The following KMT2A variants were observed in gnomAD, a reference collection of about 807,000 sequenced individuals.
KMT2A encodes histone-lysine N-methyltransferase 2A.
A neutral mutation model predicts 345.3 loss-of-function variants in KMT2A; 16 were observed. The observed-to-expected ratio is 0.05, with a 90% CI of 0.03 to 0.07. The LOEUF is 0.07. Among genes scored for constraint, KMT2A ranks in the 10% least tolerant of loss-of-function variants. KMT2A has a pLI of 1.00. For synonymous variants in KMT2A, 1,599 were observed against 1,778.6 expected (o/e 0.90, Z 2.54); for missense variants, 3,272 against 4,841.6 (o/e 0.68, Z 9.62).
chr11:118,462,992 G>T (rs1482576885), intron 1 of KMT2A, among the ~76,000 whole-genome samples: 1 of 152,164 alleles, frequency 6.6e-6, no homozygotes, highest in Admixed American at 6.6e-5. Flanking sequence ...CAGCTCAGTG[G>T]AACTCTTGTT....
Position 118,501,044 on chromosome 11 carries a change from C to T in KMT2A, c.6216C>T (p.Cys2072=). 6.2e-7 allele frequency: 1 copy of T among 1,614,048 alleles called. No homozygotes were observed. The highest frequency in any genetic ancestry group is 8.5e-7 in the Non-Finnish European group (1 of 1,179,948). Residue 2072 remains cysteine (C), a synonymous_variant, in exon 25 of 36, where the codon TGC becomes TGT. Transcript: ENST00000534358. Reference sequence around the variant, plus strand: ...CTCGCAAGCGCTGTGTATATACATGCAAGATAGTGGAGTGCCGTCCTCCAG... The same window carrying T: ...CTCGCAAGCGCTGTGTATATACATGTAAGATAGTGGAGTGCCGTCCTCCAG... The part of the protein sequence containing the change: ...TDARKRCVYT[C]KIVECRPPVV...
rs1950554080 is a variant in KMT2A at position 118,504,821 on chromosome 11, C to T, written c.8929C>T (p.Pro2977Ser). The change falls in exon 27 of 36, where the codon CCA becomes TCA. Residue 2977 changes from proline (P) to serine (S), a missense_variant. Coordinates refer to ENST00000534358, the MANE Select transcript of KMT2A (RefSeq NM_001197104.2). The surrounding 1 kb of genome is among the most constrained non-coding windows in gnomAD (Gnocchi z 6.4). ...EKSVASSESDPALLSPGVDPT... is the reference protein window; with the variant it reads ...EKSVASSESDSALLSPGVDPT... ...ATCTGTAGCCTCCTCTGAAAGTGAC[C>T]CAGCACTGCTGAGCCCAGGAGTAGA... is the stretch of plus-strand genomic sequence containing the variant. 1.2e-6 allele frequency: 2 copies of T among 1,613,962 alleles called. No individual in the cohort carries two copies. Among genetic ancestry groups the T allele is most frequent in the African/African-American group, 2.7e-5 (2 of 74,878 alleles).
chr11:118,505,493 G>A lies in KMT2A; in HGVS notation c.9601G>A (p.Val3201Ile), dbSNP rs202163335. The stretch of plus-strand genomic sequence containing the variant: ...GCCTCCTCCGGATCCCCAACTTTTG[G>A]TTTCAGAATCCAGCCAGAGGACAGA... ...VQPPPDPQLL[V>I]SESSQRTDLS... The change falls in exon 27 of 36, where the codon GTT (valine) becomes ATT (isoleucine). Residue 3201 changes from valine to isoleucine, a missense_variant. Physicochemically the swap from Val to Ile is conservative, Grantham distance 29. Around this residue, in one of 27 missense-constraint regions of KMT2A, gnomAD observed 748 missense variants for 922.2 expected, o/e 0.81. Coordinates refer to ENST00000534358, the MANE Select transcript of KMT2A (RefSeq NM_001197104.2). This position sits in a 1 kb window ranked among gnomAD's most constrained non-coding sequence, Gnocchi z 4.6. 3 of 1,614,072 alleles carry A rather than the reference G, an allele frequency of 1.9e-6. 1 individual carries two copies. The African/African-American group carries it at 4.0e-5, about 22-fold the overall frequency.
rs782521888 is a variant in KMT2A at position 118,472,616 on chromosome 11, C to T, written c.1457C>T (p.Thr486Ile). The change falls in exon 3 of 36, where the codon ACC becomes ATC. Residue 486 changes from threonine (T) to isoleucine (I), a missense_variant. By Grantham distance (89) the Thr-to-Ile change is moderately conservative. This residue lies in a region of KMT2A where 180 missense variants were observed against 190.7 expected (regional missense o/e 0.94). Transcript: ENST00000534358. ...CGATCTAGTAGCCCCAGTGTTGATA[C>T]CTCCACAGACTCTCAGGCTTCTGAG... ...SSRSSSPSVD[T>I]STDSQASEEI... The T allele has an allele frequency of 1.9e-6, 3 of 1,612,098 alleles. No individual in the cohort carries two copies. Among genetic ancestry groups the T allele is most frequent in the Admixed American group, 1.7e-5 (1 of 59,568 alleles).
At position 118,436,994 on chromosome 11, in the gene KMT2A, C is replaced by CCCCCT; in HGVS notation, c.432+60_432+64dup. 5 of 1,372,144 alleles carry CCCCCT rather than the reference C, an allele frequency of 3.6e-6. No individual in the cohort carries two copies. Among genetic ancestry groups the CCCCCT allele is most frequent in the Non-Finnish European group, 4.8e-6 (5 of 1,052,240 alleles). 85.0% of individuals were successfully genotyped at this position (1,372,144 alleles called of 1,614,324 possible). ...TCCGGGGTCTCGACCCTCTGCGGAG[C>CCCCCT]CCCCTCCCCTCCCCCATCCGGGATT... is the stretch of plus-strand genomic sequence containing the variant. On this transcript the variant is annotated intron_variant, in intron 1 of 35. Coordinates refer to ENST00000534358, the MANE Select transcript of KMT2A (RefSeq NM_001197104.2). The surrounding 1 kb of genome is among the most constrained non-coding windows in gnomAD (Gnocchi z 6.9).
At chr11:118,518,078 C>T (rs1373246846) in intron 31 of KMT2A, among the ~76,000 whole-genome samples, 1 of 152,188 alleles carries the variant, frequency 6.6e-6, no homozygotes, top group African/African-American at 2.4e-5. Context: ...AGTCCTAATA[C>T]AATTACACTT....
At position 118,495,546 on chromosome 11, in the gene KMT2A, G is replaced by A. The variant is rs1212637717; in HGVS notation, c.5364-154G>A. ...GATATTTTTTAAAATATTGAGTTCT[G>A]TGTACTTCAGCAATTTTCAAACGCT... On this transcript the variant is annotated intron_variant, in intron 18 of 35. Transcript: ENST00000534358. This position sits in a 1 kb window ranked among gnomAD's most constrained non-coding sequence, Gnocchi z 4.1. 3.3e-5 allele frequency among the ~76,000 whole-genome samples: 5 copies of A among 152,146 alleles called. No homozygotes were observed. Among genetic ancestry groups the A allele is most frequent in the African/African-American group, 1.2e-4 (5 of 41,418 alleles).
Position 118,504,746 on chromosome 11 carries a change from C to A in KMT2A, c.8854C>A (p.Leu2952Ile), listed in dbSNP as rs1555047374. 2 of 1,614,114 alleles carry A rather than the reference C, an allele frequency of 1.2e-6. No homozygotes were observed. The highest frequency in any genetic ancestry group is 2.2e-5 in the South Asian group (2 of 91,072). The part of the protein sequence containing the change: ...PTVPSQNPSR[L>I]AVISDSGEKR... ...TGTCCCCAGCCAGAATCCCAGTAGACTAGCTGTTATCTCAGACTCAGGGGA... is the reference window on the plus strand; with the variant it reads ...TGTCCCCAGCCAGAATCCCAGTAGAATAGCTGTTATCTCAGACTCAGGGGA... The change falls in exon 27 of 36, where the codon CTA becomes ATA. Residue 2952 changes from leucine (L) to isoleucine (I), a missense_variant. Leu to Ile is a conservative substitution (Grantham distance 5). Coordinates refer to ENST00000534358, the MANE Select transcript of KMT2A (RefSeq NM_001197104.2). This position sits in a 1 kb window ranked among gnomAD's most constrained non-coding sequence, Gnocchi z 6.4.
intron 1 of KMT2A, among the ~76,000 whole-genome samples, chr11:118,438,500 G>T (rs1190493521): frequency 7.0e-6 from 1 of 142,556 alleles, no homozygotes; most frequent in East Asian, 2.1e-4. Flanking sequence ...GGGCTGAAGC[G>T]AAGGGGGGTA....
At chr11:118,500,061 G>C (rs990913556) in intron 24 of KMT2A, 148 bp downstream of exon 24, 1 of 582,692 alleles carries the variant, frequency 1.7e-6, no homozygotes, top group Admixed American at 3.1e-5. Context: ...TCTCGGATTC[G>C]TCTGCTTGTA....
intron 3 of KMT2A, among the ~76,000 whole-genome samples, chr11:118,474,540 GA>G (rs1380573967): frequency 6.6e-6 from 1 of 152,160 alleles, no homozygotes; most frequent in Non-Finnish European, 1.5e-5. Context: ...GGTAGAAATG[GA>G]AAAGTAAGAA....
In KMT2A at chr11:118,501,748, A is replaced by G. The variant is rs1225840238; in HGVS notation, c.6396A>G (p.Gln2132=). 5 of 1,613,934 alleles carry G rather than the reference A, an allele frequency of 3.1e-6. No individual in the cohort carries two copies. Among genetic ancestry groups the G allele is most frequent in the African/African-American group, 2.7e-5 (2 of 74,878 alleles). Residue 2132 remains glutamine (Q), a synonymous_variant, in exon 26 of 36, where the codon CAA becomes CAG. Coordinates refer to ENST00000534358, the MANE Select transcript of KMT2A (RefSeq NM_001197104.2). The part of the protein sequence containing the change: ...PPSPDRPPHS[Q]TSGSCYYHVI... ...CACCAGACCGACCTCCTCATTCACA[A>G]ACCTCTGGCTCCTGTTATTATCATG...
Position 118,473,259 on chromosome 11 carries a change from A to G in KMT2A, c.2100A>G (p.Pro700=). Residue 700 remains proline (P), a synonymous_variant, in exon 3 of 36, where the codon CCA becomes CCG. Transcript: ENST00000534358. This position sits in a 1 kb window ranked among gnomAD's most constrained non-coding sequence, Gnocchi z 5.2. ...AAAGGAGCCCTCTTCTGAGAGCTCC[A>G]AGATTTACTCCAAGTGAGGCTCACT... is the stretch of plus-strand genomic sequence containing the variant. ...MHKRSPLLRA[P]RFTPSEAHSR... is the part of the protein sequence containing the mutation. 1 of 1,611,214 alleles carries G rather than the reference A, an allele frequency of 6.2e-7. No individual in the cohort carries two copies. The highest frequency in any genetic ancestry group is 8.5e-7 in the Non-Finnish European group (1 of 1,178,850).
At chr11:118,516,924 G>A (rs1414571834) in intron 31 of KMT2A, among the ~76,000 whole-genome samples, 2 of 152,134 alleles carry the variant, frequency 1.3e-5, no homozygotes, top group Non-Finnish European at 2.9e-5. Context: ...TAATCTCATT[G>A]TAATCTCTCT....
Position 118,506,433 on chromosome 11 carries a change from C to T in KMT2A, c.10541C>T (p.Ser3514Phe). 1 of 1,614,226 alleles carries T rather than the reference C, an allele frequency of 6.2e-7. No homozygotes were observed. Among genetic ancestry groups the T allele is most frequent in the Non-Finnish European group, 8.5e-7 (1 of 1,180,028 alleles). The change falls in exon 27 of 36, where the codon TCT becomes TTT. Residue 3514 changes from serine to phenylalanine, a missense_variant. By Grantham distance (155) the Ser-to-Phe change is radical. Transcript: ENST00000534358. ...LSSAVQASPT[S>F]PGGSPSSPSS... ...TCAGCTGTGCAAGCCAGCCCCACCT[C>T]TCCTGGGGGTTCTCCATCCTCTCCA...
chr11:118,525,658 A>C lies in KMT2A; in HGVS notation c.*3486A>C, dbSNP rs1025214813. ...ACAACACACACACAAAAATAAAAAAAATATTCTAATGAATGTATCTTTCTA... is the reference window on the plus strand; with the variant it reads ...ACAACACACACACAAAAATAAAAAACATATTCTAATGAATGTATCTTTCTA... On this transcript the variant is annotated 3_prime_UTR_variant, in exon 36 of 36. Transcript: ENST00000534358. 4.3e-6 allele frequency: 1 copy of C among 229,984 alleles called. No individual in the cohort carries two copies. Among genetic ancestry groups the C allele is most frequent in the Non-Finnish European group, 8.6e-6 (1 of 116,216 alleles). The allele number at this position is 229,984 out of a possible 1,614,324, so 14.2% of individuals were successfully genotyped here.
chr11:118,507,346 CTCTTA>C (rs782798407), intron 27 of KMT2A, among the ~76,000 whole-genome samples, 178 bp from the exon 28 acceptor site: 1 of 152,190 alleles, frequency 6.6e-6, no homozygotes, highest in Non-Finnish European at 1.5e-5. Flanking sequence ...AGGGTGTCTT[CTCTTA>C]TAAGGTCAGT....
Position 118,458,337 on chromosome 11 carries a change from C to T in KMT2A, c.433-10438C>T, listed in dbSNP as rs572191837. The T allele has an allele frequency of 4.5e-4, 82 of 180,990 alleles. No homozygotes were observed. In the South Asian group the frequency reaches 6.9e-3, roughly 15 times the overall value. 11.2% of individuals were successfully genotyped at this position (180,990 alleles called of 1,614,324 possible). A position where few individuals can be genotyped will look rare whatever the true frequency, so the allele number is the denominator to read the frequency against. ...CTCCTGGGCTCAAGCCATCCTCCCT[C>T]CTCGGCCTCCCATTGTTAGGATTTC... is the stretch of plus-strand genomic sequence containing the variant. On this transcript the variant is annotated intron_variant, in intron 1 of 35. Coordinates refer to ENST00000534358, the MANE Select transcript of KMT2A (RefSeq NM_001197104.2).
chr11:118,491,203 C>T lies in KMT2A; in HGVS notation c.4704C>T (p.Phe1568=), dbSNP rs2134338592. 1 of 1,613,212 alleles carries T rather than the reference C, an allele frequency of 6.2e-7. No homozygotes were observed. The highest frequency in any genetic ancestry group is 8.5e-7 in the Non-Finnish European group (1 of 1,179,686). ...DCAKLFAKGN[F]CPLCDKCYDD... is the part of the protein sequence containing the mutation. ...ACTTTGCTTTGCTTTCAGGAAACTTCTGCCCTCTCTGTGACAAATGTTATG... is the reference window on the plus strand; with the variant it reads ...ACTTTGCTTTGCTTTCAGGAAACTTTTGCCCTCTCTGTGACAAATGTTATG... Residue 1568 remains phenylalanine (F), a synonymous_variant, in exon 14 of 36, where the codon TTC becomes TTT. Transcript: ENST00000534358. The surrounding 1 kb of genome is among the most constrained non-coding windows in gnomAD (Gnocchi z 4.2).
Sources: allele counts gnomAD v4.1 joint callset (sites outside exome capture counted in the v4.1 genomes callset), GRCh38; gene constraint gnomAD v4.1.1; regional missense constraint gnomAD v4.1.1; non-coding constraint Gnocchi (gnomAD v3.1); transcripts MANE v1.5; gene names NCBI Gene and HGNC (gene_info 2026-07-23, HGNC 2026-07-21).